Variants in CCDC171 observed in about 807,000 individuals in gnomAD.
The protein encoded by CCDC171 is coiled-coil domain-containing protein 171.
A neutral mutation model predicts 168.2 loss-of-function variants in CCDC171; 177 were observed. That is an observed-to-expected ratio of 1.05 (90% CI 0.93 to 1.19). CCDC171 has a LOEUF of 1.19. Ranked by LOEUF, CCDC171 falls within the 50% of genes most tolerant of loss-of-function variation. The pLI is 0.00. For synonymous variants in CCDC171, 687 were observed against 540.8 expected (o/e 1.27, Z -3.75); for missense variants, 1,991 against 1,539.0 (o/e 1.29, Z -4.91).
At position 15,588,344 on chromosome 9, in the gene CCDC171, G is replaced by T. The variant is rs2041728863; in HGVS notation, c.353-3022G>T. On this transcript the variant is annotated intron_variant, in intron 4 of 25. Transcript: ENST00000380701. Reference sequence around the variant, plus strand: ...CTGCATCTGGTGCTACGTCTTAGCAGCATTACCACCATGCCCAAGAGAAAG... The same window carrying T: ...CTGCATCTGGTGCTACGTCTTAGCATCATTACCACCATGCCCAAGAGAAAG... The T allele has an allele frequency of 1.3e-5, 3 of 238,326 alleles. No homozygotes were observed. In the South Asian group the frequency reaches 1.7e-4, roughly 14 times the overall value. The allele number at this position is 238,326 out of a possible 1,614,324, so 14.8% of individuals were successfully genotyped here.
At chr9:15,554,563 C>T (rs1370481009) in intron 1 of CCDC171, among the ~76,000 whole-genome samples, 1 of 152,152 alleles carries the variant, frequency 6.6e-6, no homozygotes, top group African/African-American at 2.4e-5. Flanking sequence ...CTTTATCTGT[C>T]AGATAAGGAG....
At position 15,990,521 on chromosome 9, in the gene CCDC171, C is replaced by T. The variant is rs578172640; in HGVS notation, n.369-30068C>T. On this transcript the variant is annotated intron_variant and non_coding_transcript_variant, in intron 3 of 9. Transcript: ENST00000486641. ...GCTAGGAAGAAACTGCAACAACTAA[C>T]GAGCAAAATGACCAGCTAACATCAT... Among the ~76,000 whole-genome samples the T allele has an allele frequency of 1.5e-3, 224 of 152,200 alleles. 1 individual carries two copies. The highest frequency in any genetic ancestry group is 5.2e-3 in the African/African-American group (216 of 41,528).
intron 1 of CCDC171, among the ~76,000 whole-genome samples, chr9:16,058,501 C>T (rs1028156306): frequency 7.0e-4 from 107 of 152,220 alleles, no homozygotes; most frequent in African/African-American, 2.5e-3. Context: ...ACACGGGGGC[C>T]TGTTCCTTTG....
chr9:15,808,927 G>A (rs1298422119), intron 21 of CCDC171, among the ~76,000 whole-genome samples: 2 of 152,170 alleles, frequency 1.3e-5, no homozygotes, highest in East Asian at 1.9e-4. Context: ...TGTCTGGTGA[G>A]GGCTTGCTTC....
chr9:15,813,449 A>C (rs182829550), intron 21 of CCDC171, among the ~76,000 whole-genome samples: 8 of 152,112 alleles, frequency 5.3e-5, no homozygotes, highest in African/African-American at 1.9e-4. Flanking sequence ...GCCATCATAC[A>C]TTTTGTTTGT....
intron 9 of CCDC171, 74 bp downstream of exon 9, chr9:15,666,397 A>G (rs147090427): frequency 2.8e-5 from 30 of 1,059,192 alleles, no homozygotes; most frequent in African/African-American, 2.4e-4. Flanking sequence ...ATGAATGTAT[A>G]CTATGTATTT....
intron 10 of CCDC171, among the ~76,000 whole-genome samples, chr9:15,687,162 G>A (rs2050453102): frequency 6.6e-6 from 1 of 152,090 alleles, no homozygotes; most frequent in African/African-American, 2.4e-5. Flanking sequence ...TAAATAACCA[G>A]CAAGTCTAAA....
chr9:15,856,062 C>T (rs1393697607), intron 23 of CCDC171, among the ~76,000 whole-genome samples: 2 of 151,878 alleles, frequency 1.3e-5, no homozygotes, highest in African/African-American at 2.4e-5. Context: ...CCTTTCATTT[C>T]AGGACTCCCT....
At chr9:15,586,474 T>C (rs1293576510) in intron 4 of CCDC171, among the ~76,000 whole-genome samples, 1 of 152,200 alleles carries the variant, frequency 6.6e-6, no homozygotes. Context: ...GTTAAAATCC[T>C]AAGTCAGGAG....
chr9:16,055,286 T>A (rs975580195), intron 1 of CCDC171, among the ~76,000 whole-genome samples: 1 of 152,122 alleles, frequency 6.6e-6, no homozygotes, highest in African/African-American at 2.4e-5. Context: ...TTTTGGCAGA[T>A]GTCTGAGTAT....
At chr9:16,002,627 A>T (rs547476351) in intron 3 of CCDC171, among the ~76,000 whole-genome samples, 4 of 152,290 alleles carry the variant, frequency 2.6e-5, no homozygotes, top group African/African-American at 9.6e-5. Flanking sequence ...ATTTTTATAA[A>T]TTTATTGTAG....
At chr9:15,587,942 A>G (rs1385010495) in intron 4 of CCDC171, among the ~76,000 whole-genome samples, 1 of 152,180 alleles carries the variant, frequency 6.6e-6, no homozygotes, top group African/African-American at 2.4e-5. Context: ...TCTATTAGAA[A>G]TTAAAAATAT....
rs1056487036 is a variant in CCDC171, at chr9:15,719,047, C to G, written c.1319-2722C>G. 2.6e-5 allele frequency among the ~76,000 whole-genome samples: 4 copies of G among 152,086 alleles called. No homozygotes were observed. The South Asian group carries it at 8.3e-4, about 32-fold the overall frequency. On this transcript the variant is annotated intron_variant, in intron 11 of 25. Coordinates refer to ENST00000380701, the MANE Select transcript of CCDC171 (RefSeq NM_173550.4). The stretch of plus-strand genomic sequence containing the variant: ...TATATGACCTTTCAGATAGAGAATT[C>G]AAAAGAACTGTTTTGAGGAAATTTA...
intron 6 of CCDC171, among the ~76,000 whole-genome samples, chr9:15,618,993 G>A (rs1055521391): frequency 6.6e-6 from 1 of 152,042 alleles, no homozygotes; most frequent in Non-Finnish European, 1.5e-5. Flanking sequence ...TGGTCTTTAC[G>A]TTACTGCTAT....
intron 11 of CCDC171, among the ~76,000 whole-genome samples, chr9:15,713,505 T>A (rs1005217861): frequency 2.6e-5 from 4 of 152,164 alleles, no homozygotes; most frequent in Non-Finnish European, 5.9e-5. Flanking sequence ...CTCTTGTGTA[T>A]GCCAAAATTT....
chr9:15,869,633 T>C (rs2061946442), intron 23 of CCDC171, among the ~76,000 whole-genome samples: 1 of 151,676 alleles, frequency 6.6e-6, no homozygotes, highest in African/African-American at 2.4e-5. Flanking sequence ...CTTTTCTACT[T>C]GTTTAACCAG....
intron 20 of CCDC171, among the ~76,000 whole-genome samples, chr9:15,782,227 C>T (rs978279925): frequency 3.3e-5 from 5 of 152,278 alleles, no homozygotes; most frequent in South Asian, 2.1e-4. Context: ...TCCTGCTCAC[C>T]GAAAGCTATT....
intron 2 of CCDC171, among the ~76,000 whole-genome samples, chr9:15,570,558 A>T (rs1268439517): frequency 2.6e-5 from 4 of 152,176 alleles, no homozygotes; most frequent in African/African-American, 9.7e-5. Context: ...ACCTAAAAAG[A>T]TGACTGGAAG....
At chr9:15,864,944 T>G (rs910051667) in intron 23 of CCDC171, among the ~76,000 whole-genome samples, 1 of 152,062 alleles carries the variant, frequency 6.6e-6, no homozygotes, top group African/African-American at 2.4e-5. Flanking sequence ...TTGGAAAGAT[T>G]AACTGAAATG....
Sources: allele counts gnomAD v4.1 joint callset (sites outside exome capture counted in the v4.1 genomes callset), GRCh38; gene constraint gnomAD v4.1.1; transcripts MANE v1.5; gene names NCBI Gene and HGNC (gene_info 2026-07-23, HGNC 2026-07-21).